The following UBXN2B variants were observed in gnomAD, a reference collection of about 807,000 sequenced individuals.
UBXN2B encodes the protein UBX domain-containing protein 2B.
A neutral mutation model predicts 37.5 loss-of-function variants in UBXN2B; 19 were observed. The observed-to-expected ratio is 0.51, with a 90% CI of 0.35 to 0.74. UBXN2B has a LOEUF of 0.74. Ranked by LOEUF, UBXN2B falls within the 30% of genes least tolerant of loss-of-function variation. The pLI is 0.01. For missense variants in UBXN2B, 370 were observed against 393.2 expected (o/e 0.94, Z 0.50); for synonymous variants, 145 against 143.8 (o/e 1.01, Z -0.06).
At chr8:58,440,997 C>T (rs1036314633) in intron 6 of UBXN2B, among the ~76,000 whole-genome samples, 40 of 143,634 alleles carry the variant, frequency 2.8e-4, no homozygotes, top group African/African-American at 1.0e-3. Flanking sequence ...CTTTCTTTCT[C>T]TTTTTTTTTT....
At chr8:58,432,375 CTTT>C (rs34018318) in intron 3 of UBXN2B, among the ~76,000 whole-genome samples, 2 of 81,518 alleles carry the variant, frequency 2.5e-5, no homozygotes, top group African/African-American at 1.0e-4. Flanking sequence ...TTCTAAATTT[CTTT>C]TTTTTTTTTT....
At chr8:58,424,914 G>A (rs1412980527) in intron 2 of UBXN2B, 4 of 886,512 alleles carry the variant, frequency 4.5e-6, no homozygotes, top group East Asian at 2.4e-5. Flanking sequence ...CGTCAATGTT[G>A]CAGTCAACAC....
In UBXN2B at chr8:58,424,909, A is replaced by G. The variant is rs181221297; in HGVS notation, c.189-5610A>G. 3.9e-4 allele frequency: 360 copies of G among 919,248 alleles called. 1 individual carries two copies. The highest frequency in any genetic ancestry group is 2.2e-3 in the Middle Eastern group (7 of 3,220). 56.9% of individuals were successfully genotyped at this position (919,248 alleles called of 1,614,324 possible). A position where few individuals can be genotyped will look rare whatever the true frequency, so the allele number is the denominator to read the frequency against. On this transcript the variant is annotated intron_variant, in intron 2 of 7. Transcript: ENST00000399598. ...CATCTGGATAGTTTTGAGAACGTCA[A>G]TGTTGCAGTCAACACCTTTCTCTCT...
intron 6 of UBXN2B, among the ~76,000 whole-genome samples, chr8:58,443,329 T>C (rs1242146271): frequency 3.9e-5 from 6 of 152,282 alleles, no homozygotes; most frequent in Non-Finnish European, 7.4e-5. Flanking sequence ...ACAACCTACA[T>C]CCTTTCCTGC....
At chr8:58,446,424 G>A (rs189945374) in intron 7 of UBXN2B, among the ~76,000 whole-genome samples, 1 of 152,204 alleles carries the variant, frequency 6.6e-6, no homozygotes, top group East Asian at 1.9e-4. Context: ...TTAAAAATTT[G>A]TGATAATTTT....
intron 5 of UBXN2B, chr8:58,434,976 G>A (rs1436194796): frequency 6.5e-7 from 1 of 1,534,334 alleles, no homozygotes; most frequent in East Asian, 2.4e-5. Flanking sequence ...ATTTGTGAAA[G>A]TAAACTCAGA....
chr8:58,443,829 AAATT>A (rs750334394), intron 6 of UBXN2B, among the ~76,000 whole-genome samples: 21 of 152,056 alleles, frequency 1.4e-4, no homozygotes, highest in Non-Finnish European at 2.8e-4. Flanking sequence ...TAAATAAAAT[AAATT>A]AATTAACATA....
At chr8:58,424,690 G>A (rs368491287) in intron 2 of UBXN2B, 7 of 1,321,656 alleles carry the variant, frequency 5.3e-6, no homozygotes, top group East Asian at 4.6e-5. Flanking sequence ...TACAAGGCGG[G>A]GGGGGGGGCT....
chr8:58,417,792 T>C (rs1446917967), intron 2 of UBXN2B, among the ~76,000 whole-genome samples: 1 of 152,210 alleles, frequency 6.6e-6, no homozygotes, highest in Non-Finnish European at 1.5e-5. Flanking sequence ...CAATGTTACA[T>C]TGAACTTGTG....
intron 3 of UBXN2B, among the ~76,000 whole-genome samples, chr8:58,431,929 A>G (rs1336985814): frequency 6.6e-6 from 1 of 151,984 alleles, no homozygotes; most frequent in Non-Finnish European, 1.5e-5. Flanking sequence ...CCATTCTCTA[A>G]TTGGATTATT....
intron 2 of UBXN2B, chr8:58,426,648 CCA>C: frequency 2.7e-6 from 2 of 741,046 alleles, no homozygotes; most frequent in Non-Finnish European, 5.1e-6. Context: ...TGCCTCCACC[CCA>C]GTGATATTTG....
At chr8:58,418,069 C>T (rs961321002) in intron 2 of UBXN2B, among the ~76,000 whole-genome samples, 1 of 151,924 alleles carries the variant, frequency 6.6e-6, no homozygotes, top group African/African-American at 2.4e-5. Context: ...GGCAAAACCC[C>T]ATCTCTCCTA....
chr8:58,447,410 T>C lies in UBXN2B; in HGVS notation c.855T>C (p.Phe285=). ...TCAGGATCCTGGATGTCCGGAACTT[T>C]ATTGTACAGTCTCGTCCTGAATTTG... ...STHRILDVRN[F]IVQSRPEFAA... is the part of the protein sequence containing the mutation. The change falls in exon 8 of 8, where the codon TTT becomes TTC. Residue 285 remains phenylalanine (F), a synonymous_variant. Transcript: ENST00000399598. 6.2e-7 allele frequency: 1 copy of C among 1,604,452 alleles called. No homozygotes were observed. Among genetic ancestry groups the C allele is most frequent in the Non-Finnish European group, 8.5e-7 (1 of 1,175,074 alleles).
At chr8:58,425,501 C>T in intron 2 of UBXN2B, 5 of 1,117,514 alleles carry the variant, frequency 4.5e-6, no homozygotes, top group Non-Finnish European at 5.5e-6. Context: ...TCGTGTAGGA[C>T]AACCCTGGTA....
chr8:58,431,243 G>A (rs907255949), intron 3 of UBXN2B, among the ~76,000 whole-genome samples: 9 of 152,148 alleles, frequency 5.9e-5, no homozygotes, highest in Admixed American at 5.9e-4. Context: ...TAGCACTTTG[G>A]GAGGCCGAAG....
chr8:58,415,828 G>C (rs545873879), intron 1 of UBXN2B, among the ~76,000 whole-genome samples: 4 of 152,004 alleles, frequency 2.6e-5, no homozygotes, highest in Non-Finnish European at 5.9e-5. Flanking sequence ...AAATATGAAT[G>C]TTACTGAATG....
intron 1 of UBXN2B, among the ~76,000 whole-genome samples, 163 bp downstream of exon 1, chr8:58,411,632 C>T (rs1183344948): frequency 6.6e-6 from 1 of 152,240 alleles, no homozygotes; most frequent in Non-Finnish European, 1.5e-5. Context: ...GGTCTTGACA[C>T]TGTGGTGGTC....
At chr8:58,428,822 A>G (rs115313905) in intron 2 of UBXN2B, among the ~76,000 whole-genome samples, 217 of 152,380 alleles carry the variant, frequency 1.4e-3, no homozygotes, top group African/African-American at 4.9e-3. Context: ...CGAGAACTCA[A>G]GAATCATAGG....
chr8:58,425,363 T>C (rs1352659998), intron 2 of UBXN2B: 3 of 1,138,296 alleles, frequency 2.6e-6, no homozygotes, highest in East Asian at 4.7e-5. Flanking sequence ...TCGTTCACCA[T>C]GTTTTGCAGG....
Sources: allele counts gnomAD v4.1 joint callset (sites outside exome capture counted in the v4.1 genomes callset), GRCh38; gene constraint gnomAD v4.1.1; transcripts MANE v1.5; gene names NCBI Gene and HGNC (gene_info 2026-07-23, HGNC 2026-07-21).